The following GRIN2A variants were observed in gnomAD, a reference collection of about 807,000 sequenced individuals.
The protein encoded by GRIN2A is glutamate ionotropic receptor NMDA type subunit 2A, also known as glutamate receptor ionotropic, NMDA 2A.
GRIN2A carries 22 observed loss-of-function variants against 113.4 expected under a neutral mutation model. The ratio of observed to expected loss-of-function variants is 0.19; its 90% CI spans 0.14 to 0.28. The LOEUF (loss-of-function observed/expected upper bound fraction) is 0.28, where lower values mean the gene tolerates loss of function less well. Ranked by LOEUF, GRIN2A falls within the 10% of genes least tolerant of loss-of-function variation. GRIN2A has a pLI of 1.00. For missense variants in GRIN2A, 1,502 were observed against 1,887.0 expected, an observed-to-expected ratio of 0.80 and a Z score of 3.78; for synonymous variants, 827 against 738.4, an observed-to-expected ratio of 1.12 and a Z score of -1.94.
intron 11 of GRIN2A, among the ~76,000 whole-genome samples, chr16:9,795,203 A>G (rs759356049): frequency 2.0e-5 from 3 of 152,212 alleles, no homozygotes; most frequent in Non-Finnish European, 4.4e-5. Context: ...TGGGCAAAAG[A>G]TATAGATCAT....
chr16:9,901,865 A>G (rs550770269), intron 3 of GRIN2A, among the ~76,000 whole-genome samples: 2 of 152,314 alleles, frequency 1.3e-5, no homozygotes, highest in East Asian at 3.8e-4. Flanking sequence ...AAATCAGGAG[A>G]CCTAGAATCT....
chr16:10,124,955 G>A (rs1186405963), intron 2 of GRIN2A, among the ~76,000 whole-genome samples: 5 of 152,146 alleles, frequency 3.3e-5, no homozygotes, highest in Non-Finnish European at 7.4e-5. Context: ...GAGCATTCCA[G>A]GCATAGGGAA....
chr16:9,829,017 G>T (rs2042437916), intron 9 of GRIN2A, among the ~76,000 whole-genome samples: 1 of 152,078 alleles, frequency 6.6e-6, no homozygotes, highest in Non-Finnish European at 1.5e-5. Context: ...CATAGATGAG[G>T]TACCCACAGC....
chr16:9,850,914 G>A (rs879283151), intron 4 of GRIN2A, among the ~76,000 whole-genome samples: 8 of 152,084 alleles, frequency 5.3e-5, no homozygotes, highest in Non-Finnish European at 2.9e-5. Context: ...CCCCCGCACC[G>A]CTCTTTCTCC....
intron 3 of GRIN2A, among the ~76,000 whole-genome samples, chr16:9,933,322 A>AATAAATCAATGTT (rs141263074): frequency 0.012 from 1,878 of 152,210 alleles, 41 homozygotes; most frequent in African/African-American, 0.043. Context: ...GCCCATGAGC[A>AATAAATCAATGTT]ACAATATCCT....
chr16:10,127,533 A>G (rs1412498862), intron 2 of GRIN2A, among the ~76,000 whole-genome samples: 1 of 152,220 alleles, frequency 6.6e-6, no homozygotes, highest in African/African-American at 2.4e-5. Context: ...CTTGTGCACC[A>G]AGAGCCTTTA....
chr16:10,170,767 C>T lies in GRIN2A; in HGVS notation c.414+9231G>A, dbSNP rs532120169. Reference sequence around the variant, plus strand: ...TGGCACACGCCTGTGTTCCTAGCTACTTGGGAGGCTGAGATGAGAGGATCA... The same window carrying T: ...TGGCACACGCCTGTGTTCCTAGCTATTTGGGAGGCTGAGATGAGAGGATCA... On this transcript the variant is annotated intron_variant, in intron 2 of 12. Coordinates refer to ENST00000330684, the MANE Select transcript of GRIN2A (RefSeq NM_001134407.3). 2.3e-4 allele frequency among the ~76,000 whole-genome samples: 35 copies of T among 151,896 alleles called. No individual in the cohort carries two copies. The South Asian group carries it at 2.9e-3, about 13-fold the overall frequency.
intron 4 of GRIN2A, among the ~76,000 whole-genome samples, chr16:9,883,605 C>T (rs568014354): frequency 1.3e-5 from 2 of 152,106 alleles, no homozygotes; most frequent in African/African-American, 2.4e-5. Context: ...GGGGACACTC[C>T]GGGGATAAGA....
chr16:9,769,254 A>G (rs1901109206), intron 11 of GRIN2A, 165 bp from the exon 12 acceptor site: 2 of 634,626 alleles, frequency 3.2e-6, no homozygotes, highest in Admixed American at 2.4e-5. Flanking sequence ...AGTGAAGATA[A>G]TAATGATTAC....
At chr16:9,904,700 C>A (rs1192724688) in intron 3 of GRIN2A, among the ~76,000 whole-genome samples, 2 of 152,162 alleles carry the variant, frequency 1.3e-5, no homozygotes, top group Non-Finnish European at 2.9e-5. Context: ...GGCATTAGTT[C>A]CATTGCAAGG....
intron 2 of GRIN2A, among the ~76,000 whole-genome samples, chr16:9,982,396 G>A (rs542214165): frequency 5.3e-5 from 8 of 152,264 alleles, no homozygotes; most frequent in South Asian, 2.1e-4. Context: ...GTTCATTAAC[G>A]TTTGCAATGT....
rs368078347 is a variant in GRIN2A at position 10,010,866 on chromosome 16, AG to A, written c.415-72316del. Among the ~76,000 whole-genome samples the A allele has an allele frequency of 3.6e-4, 55 of 152,328 alleles. 1 individual carries two copies. Among genetic ancestry groups the A allele is most frequent in the South Asian group, 2.7e-3 (13 of 4,830 alleles). ...CAGGACTGCTATGCTGCACAACTCC[AG>A]GGGGCAGCAATCATATTATATCCTG... On this transcript the variant is annotated intron_variant, in intron 2 of 12. Transcript: ENST00000330684.
At chr16:9,835,836 CCGAA>C (rs1044844974) in intron 7 of GRIN2A, among the ~76,000 whole-genome samples, 4 of 152,108 alleles carry the variant, frequency 2.6e-5, no homozygotes, top group Non-Finnish European at 5.9e-5. Context: ...ACTAATATGT[CCGAA>C]CTTAACTTTA....
At chr16:9,915,870 A>T (rs2044239736) in intron 3 of GRIN2A, among the ~76,000 whole-genome samples, 2 of 152,234 alleles carry the variant, frequency 1.3e-5, no homozygotes, top group South Asian at 4.1e-4. Context: ...TAGATTGATT[A>T]ATAAATAGAA....
chr16:9,791,100 A>G (rs1372194209), intron 11 of GRIN2A, among the ~76,000 whole-genome samples: 1 of 152,246 alleles, frequency 6.6e-6, no homozygotes, highest in African/African-American at 2.4e-5. Context: ...GCCCCAGGTC[A>G]CACCACTAGG....
At chr16:9,998,068 T>C (rs926544386) in intron 2 of GRIN2A, among the ~76,000 whole-genome samples, 2 of 152,188 alleles carry the variant, frequency 1.3e-5, no homozygotes, top group African/African-American at 2.4e-5. Context: ...ACACAAATAA[T>C]AGGTTATGCT....
intron 2 of GRIN2A, among the ~76,000 whole-genome samples, chr16:9,986,875 TA>T (rs1256697426): frequency 6.6e-6 from 1 of 152,064 alleles, no homozygotes; most frequent in Non-Finnish European, 1.5e-5. Context: ...CTCACATAGG[TA>T]TTTTCTGTCC....
intron 2 of GRIN2A, among the ~76,000 whole-genome samples, chr16:9,986,764 CAAAAAAA>C (rs3065539): frequency 8.9e-6 from 1 of 112,052 alleles, no homozygotes. Context: ...GACGCTGTCT[CAAAAAAA>C]AAAAAAAAAA....
intron 2 of GRIN2A, among the ~76,000 whole-genome samples, chr16:10,074,767 C>CT (rs1269353778): frequency 6.6e-6 from 1 of 152,072 alleles, no homozygotes; most frequent in Admixed American, 6.5e-5. Context: ...TATGAGGTTT[C>CT]TTTTTGTGGT....
Sources: gnomAD v4.1 joint callset for allele counts (sites outside exome capture counted in the v4.1 genomes callset) on GRCh38, gnomAD v4.1.1 for gene constraint, MANE v1.5 for transcripts, NCBI Gene and HGNC (gene_info 2026-07-23, HGNC 2026-07-21) for gene names.